The following LHFPL2 variants were observed in gnomAD, a reference collection of about 807,000 sequenced individuals.
LHFPL2 encodes LHFPL tetraspan subfamily member 2, also known as LHFPL tetraspan subfamily member 2 protein.
A neutral mutation model predicts 17.5 loss-of-function variants in LHFPL2; 7 were observed. The ratio of observed to expected loss-of-function variants is 0.40; its 90% CI spans 0.23 to 0.75. The LOEUF (loss-of-function observed/expected upper bound fraction) is 0.75. LHFPL2 is among the 30% of genes least tolerant of loss of function. The pLI, the probability that LHFPL2 is intolerant of heterozygous loss-of-function variation, is 0.37. For synonymous variants in LHFPL2, 134 were observed against 116.2 expected (o/e 1.15, Z -0.99); for missense variants, 241 against 294.8 (o/e 0.82, Z 1.34).
chr5:78,586,736 G>A (rs1009137587), intron 2 of LHFPL2, among the ~76,000 whole-genome samples: 2 of 152,112 alleles, frequency 1.3e-5, no homozygotes, highest in African/African-American at 4.8e-5. Flanking sequence ...GGAAAAAAAA[G>A]CCAATCCCTA....
intron 2 of LHFPL2, among the ~76,000 whole-genome samples, chr5:78,598,193 G>C (rs1339226311): frequency 2.0e-5 from 3 of 152,154 alleles, no homozygotes; most frequent in African/African-American, 4.8e-5. Flanking sequence ...GGTGAAGTGT[G>C]GGAATTATAC....
At chr5:78,609,450 CAAAAAAAAA>C (rs71613975) in intron 2 of LHFPL2, among the ~76,000 whole-genome samples, 6 of 40,684 alleles carry the variant, frequency 1.5e-4, no homozygotes, top group African/African-American at 3.4e-4. Flanking sequence ...GACTCAGTCT[CAAAAAAAAA>C]AAAAAAAAAA....
chr5:78,581,075 T>C (rs900713839), intron 2 of LHFPL2, among the ~76,000 whole-genome samples: 1 of 152,174 alleles, frequency 6.6e-6, no homozygotes, highest in African/African-American at 2.4e-5. Context: ...CCCTTTTAAG[T>C]TGGATTCCTA....
intron 2 of LHFPL2, among the ~76,000 whole-genome samples, chr5:78,619,751 C>T (rs1214158991): frequency 2.0e-4 from 27 of 137,990 alleles, no homozygotes; most frequent in African/African-American, 3.2e-4. Context: ...TGAGAACATG[C>T]GGTGTTTGGT....
chr5:78,522,387 G>A (rs1009140662), intron 3 of LHFPL2, among the ~76,000 whole-genome samples: 5 of 152,250 alleles, frequency 3.3e-5, no homozygotes, highest in East Asian at 3.9e-4. Flanking sequence ...GCAGTGAGCC[G>A]AGATCACGCA....
chr5:78,489,662 G>A (rs1471377813), intron 4 of LHFPL2, among the ~76,000 whole-genome samples: 1 of 152,166 alleles, frequency 6.6e-6, no homozygotes, highest in Non-Finnish European at 1.5e-5. Context: ...CCTCCACCAC[G>A]AGTGGCCAAC....
At chr5:78,639,041 G>C (rs1745566386) in intron 1 of LHFPL2, among the ~76,000 whole-genome samples, 1 of 152,330 alleles carries the variant, frequency 6.6e-6, no homozygotes, top group Non-Finnish European at 1.5e-5. Flanking sequence ...CTTAGGACCA[G>C]AAGTCTAGTT....
intron 3 of LHFPL2, among the ~76,000 whole-genome samples, chr5:78,524,516 C>T (rs1034705709): frequency 3.4e-4 from 52 of 152,034 alleles, no homozygotes; most frequent in African/African-American, 1.3e-3. Context: ...CCAGGGCAGG[C>T]GGATCACTTG....
chr5:78,642,978 CT>C (rs1168995749), intron 1 of LHFPL2, among the ~76,000 whole-genome samples: 2 of 152,168 alleles, frequency 1.3e-5, no homozygotes, highest in African/African-American at 2.4e-5. Flanking sequence ...GTTCCCCCCC[CT>C]CCTTGTTACC....
chr5:78,552,284 C>A (rs1580801086), intron 3 of LHFPL2, among the ~76,000 whole-genome samples: 1 of 152,288 alleles, frequency 6.6e-6, no homozygotes. Flanking sequence ...CAGGTGCCCA[C>A]CACCATGCCC....
chr5:78,493,394 G>A (rs1466648653), intron 4 of LHFPL2, among the ~76,000 whole-genome samples: 4 of 152,210 alleles, frequency 2.6e-5, no homozygotes, highest in Non-Finnish European at 4.4e-5. Flanking sequence ...GAAACTGTCA[G>A]TAGTTGATAA....
chr5:78,627,263 G>C (rs1425822037), intron 2 of LHFPL2, among the ~76,000 whole-genome samples: 1 of 152,122 alleles, frequency 6.6e-6, no homozygotes, highest in African/African-American at 2.4e-5. Context: ...TGTCCTTTCA[G>C]ATGATATGCA....
In LHFPL2 at chr5:78,488,511, G is replaced by C. The variant is rs145491129; in HGVS notation, c.*386C>G. 2.3e-3 allele frequency: 546 copies of C among 232,772 alleles called. 18 individuals are homozygous for C. In the East Asian group the frequency reaches 0.045, roughly 19 times the overall value. The allele number at this position is 232,772 out of a possible 1,614,324, so 14.4% of individuals were successfully genotyped here. ...CAAAACCCCATTCTGAGGCAGAGAT[G>C]CTCACAAGCAAGCAGTGTTGGAGCA... On this transcript the variant is annotated 3_prime_UTR_variant, in exon 5 of 5. Transcript: ENST00000380345.
chr5:78,497,955 A>G (rs1216541802), intron 4 of LHFPL2, among the ~76,000 whole-genome samples: 1 of 152,246 alleles, frequency 6.6e-6, no homozygotes, highest in South Asian at 2.1e-4. Context: ...GCCTGGCTGC[A>G]GCAAGGACAG....
At chr5:78,577,567 G>A (rs987777705) in intron 2 of LHFPL2, among the ~76,000 whole-genome samples, 6 of 152,082 alleles carry the variant, frequency 3.9e-5, no homozygotes, top group African/African-American at 4.8e-5. Context: ...GCTATCTGCC[G>A]TACACGGGTC....
chr5:78,524,097 C>T (rs1386325243), intron 3 of LHFPL2, among the ~76,000 whole-genome samples: 3 of 152,188 alleles, frequency 2.0e-5, no homozygotes, highest in African/African-American at 7.2e-5. Context: ...GACTAGAACA[C>T]AGAAACAGAA....
chr5:78,586,955 G>A (rs771616251), intron 2 of LHFPL2, among the ~76,000 whole-genome samples: 6 of 152,110 alleles, frequency 3.9e-5, no homozygotes, highest in Non-Finnish European at 5.9e-5. Context: ...TTTAAACTCA[G>A]TAAGCTACTT....
intron 3 of LHFPL2, among the ~76,000 whole-genome samples, chr5:78,553,138 T>G (rs1756490363): frequency 6.6e-6 from 1 of 152,220 alleles, no homozygotes; most frequent in Non-Finnish European, 1.5e-5. Context: ...TGACCTCTCC[T>G]GCCTACCTTC....
At chr5:78,598,626 CAG>C (rs910319200) in intron 2 of LHFPL2, among the ~76,000 whole-genome samples, 43 of 152,296 alleles carry the variant, frequency 2.8e-4, no homozygotes, top group African/African-American at 9.6e-4. Context: ...GGACCAAGAA[CAG>C]AGAAAGTTTG....
Sources: gnomAD v4.1 joint callset for allele counts (sites outside exome capture counted in the v4.1 genomes callset) on GRCh38, gnomAD v4.1.1 for gene constraint, MANE v1.5 for transcripts, NCBI Gene and HGNC (gene_info 2026-07-23, HGNC 2026-07-21) for gene names.